The following NFIB variants were observed in gnomAD, a reference collection of about 807,000 sequenced individuals.
NFIB encodes nuclear factor 1 B-type.
Under a neutral mutation model 61.5 loss-of-function variants are expected in NFIB, and 11 were observed. That is an observed-to-expected ratio of 0.18 (90% CI 0.11 to 0.30). The LOEUF is 0.30. Ranked by LOEUF, NFIB falls within the 10% of genes least tolerant of loss-of-function variation. The probability of loss-of-function intolerance (pLI) is 1.00; values close to 1 mark genes in which losing one functional copy is unlikely to be tolerated. For synonymous variants in NFIB, 260 were observed against 216.5 expected (o/e 1.20, Z -1.76); for missense variants, 471 against 608.9 (o/e 0.77, Z 2.38).
chr9:14,521,354 A>G, the NFIB span, among the ~76,000 whole-genome samples: 4 of 152,230 alleles, frequency 2.6e-5, no homozygotes, highest in Non-Finnish European at 5.9e-5. Context: ...TGTTCTGTTC[A>G]GAAGTCCTTT....
intron 1 of NFIB, among the ~76,000 whole-genome samples, chr9:14,363,526 T>A (rs547097836): frequency 1.7e-3 from 253 of 152,276 alleles, no homozygotes; most frequent in African/African-American, 5.2e-3. Context: ...AAGAGGTGTT[T>A]CTGAAGACCC....
intron 1 of NFIB, chr9:14,362,885 GGCTC>G (rs2061256306): frequency 1.3e-5 from 2 of 152,038 alleles, no homozygotes; most frequent in South Asian, 4.2e-4. Flanking sequence ...GACAGAGTGA[GGCTC>G]TGTTTCCAAA....
At chr9:14,257,914 G>T (rs778189325) in intron 2 of NFIB, among the ~76,000 whole-genome samples, 2 of 151,976 alleles carry the variant, frequency 1.3e-5, no homozygotes, top group African/African-American at 2.4e-5. Flanking sequence ...AACGGACAAG[G>T]TTTTCTTAAA....
At chr9:14,446,634 A>T in the NFIB span, among the ~76,000 whole-genome samples, 1 of 152,202 alleles carries the variant, frequency 6.6e-6, no homozygotes, top group East Asian at 1.9e-4. Flanking sequence ...TGAAAACAGT[A>T]TAATCATACA....
chr9:14,189,806 A>G (rs928227169), intron 2 of NFIB, among the ~76,000 whole-genome samples: 2 of 150,810 alleles, frequency 1.3e-5, no homozygotes, highest in African/African-American at 4.9e-5. Flanking sequence ...ATGACTAACC[A>G]CTGTTTTACA....
At chr9:14,505,180 C>G in the NFIB span, among the ~76,000 whole-genome samples, 4 of 152,062 alleles carry the variant, frequency 2.6e-5, no homozygotes, top group Non-Finnish European at 5.9e-5. Flanking sequence ...TGGTATGAAA[C>G]CCACTTGATC....
At chr9:14,158,144 AC>A (rs371268228) in intron 3 of NFIB, among the ~76,000 whole-genome samples, 2,430 of 151,906 alleles carry the variant, frequency 0.016, 78 homozygotes, top group African/African-American at 0.056. Flanking sequence ...AAACAAAAAA[AC>A]AAAACAACCT....
chr9:14,146,587 A>G (rs1296443478), intron 6 of NFIB, 102 bp downstream of exon 6: 19 of 1,487,672 alleles, frequency 1.3e-5, no homozygotes, highest in Non-Finnish European at 9.2e-7. Context: ...AAAAAAATAT[A>G]CAATCCATAT....
chr9:14,322,793 G>A (rs2060694732), intron 1 of NFIB, among the ~76,000 whole-genome samples: 1 of 151,892 alleles, frequency 6.6e-6, no homozygotes, highest in Non-Finnish European at 1.5e-5. Flanking sequence ...GTGGGTGGGT[G>A]CGTGGGTAGC....
At chr9:14,403,291 C>G (rs192516277), upstream of NFIB, among the ~76,000 whole-genome samples, 2 of 152,158 alleles carry the variant, frequency 1.3e-5, no homozygotes, top group Admixed American at 6.5e-5. Flanking sequence ...CTTTAAGAGA[C>G]GATAGGTTTT....
intron 2 of NFIB, among the ~76,000 whole-genome samples, chr9:14,279,636 C>G (rs750992085): frequency 6.6e-6 from 1 of 152,138 alleles, no homozygotes; most frequent in Non-Finnish European, 1.5e-5. Context: ...AAGATATTTT[C>G]CAGGATGGAT....
the NFIB span, among the ~76,000 whole-genome samples, chr9:14,483,852 TA>T: frequency 2.1e-3 from 321 of 152,348 alleles, 2 homozygotes; most frequent in African/African-American, 7.5e-3. Context: ...TTACAAGAAA[TA>T]AACTTTAATG....
chr9:14,427,934 G>GTTT, the NFIB span, among the ~76,000 whole-genome samples: 25 of 25,984 alleles, frequency 9.6e-4, 1 homozygote, highest in Non-Finnish European at 1.4e-3. Context: ...CTTTAATTCA[G>GTTT]TTGTTTTTTT....
chr9:14,282,165 A>G (rs951436073), intron 2 of NFIB, among the ~76,000 whole-genome samples: 16 of 152,304 alleles, frequency 1.1e-4, no homozygotes, highest in Admixed American at 1.0e-3. Flanking sequence ...ATTTTTAAAT[A>G]TTTAAACCAT....
chr9:14,225,776 GA>G (rs1001683518), intron 2 of NFIB, among the ~76,000 whole-genome samples: 2 of 151,740 alleles, frequency 1.3e-5, no homozygotes, highest in South Asian at 4.2e-4. Flanking sequence ...AGAGCCAAAA[GA>G]AAAAAAATCC....
intron 3 of NFIB, among the ~76,000 whole-genome samples, chr9:14,157,130 G>A (rs756290169): frequency 6.6e-6 from 1 of 152,070 alleles, no homozygotes; most frequent in South Asian, 2.1e-4. Context: ...TGTTACTACT[G>A]GAGATAAAAA....
At chr9:14,387,705 A>G (rs756099673) in intron 1 of NFIB, among the ~76,000 whole-genome samples, 22 of 152,248 alleles carry the variant, frequency 1.4e-4, no homozygotes, top group Non-Finnish European at 2.9e-4. Flanking sequence ...CAAGGTAGGC[A>G]TGGGGATTGG....
In NFIB at chr9:14,307,305, T is replaced by C; in HGVS notation, c.246A>G (p.Lys82=). 1 of 1,614,058 alleles carries C rather than the reference T, an allele frequency of 6.2e-7. No homozygotes were observed. Among genetic ancestry groups the C allele is most frequent in the Non-Finnish European group, 8.5e-7 (1 of 1,179,976 alleles). The change falls in exon 2 of 11, where the codon AAA becomes AAG. Residue 82 remains lysine (K), a synonymous_variant. Coordinates refer to ENST00000380953, the MANE Select transcript of NFIB (RefSeq NM_001190737.2). This position sits in a 1 kb window ranked among gnomAD's most constrained non-coding sequence, Gnocchi z 5.3. ...WASRLLAKLR[K]DIRQEYREDF... is the part of the protein sequence containing the mutation. ...CCTCTCGATACTCCTGGCGAATATC[T>C]TTGCGCAGTTTGGCAAGGAGCCTGG... is the stretch of plus-strand genomic sequence containing the variant.
chr9:14,453,703 C>T, the NFIB span, among the ~76,000 whole-genome samples: 11 of 152,262 alleles, frequency 7.2e-5, no homozygotes, highest in Admixed American at 2.6e-4. Context: ...GGTACATTCC[C>T]GTTTGAAATG....
Sources: gnomAD v4.1 joint callset for allele counts (sites outside exome capture counted in the v4.1 genomes callset) on GRCh38, gnomAD v4.1.1 for gene constraint, Gnocchi (gnomAD v3.1) non-coding constraint, MANE v1.5 for transcripts, NCBI Gene and HGNC (gene_info 2026-07-23, HGNC 2026-07-21) for gene names.